SERINC1: variants seen among roughly 807,000 people sequenced by gnomAD.
SERINC1 encodes the protein serine incorporator 1.
Under a neutral mutation model 52.9 loss-of-function variants are expected in SERINC1, and 38 were observed. The observed-to-expected ratio is 0.72, with a 90% CI of 0.55 to 0.94. The LOEUF is 0.94. SERINC1 is among the 40% of genes least tolerant of loss of function. SERINC1 has a pLI of 0.00. For synonymous variants in SERINC1, 198 were observed against 183.1 expected (o/e 1.08, Z -0.66); for missense variants, 471 against 533.9 (o/e 0.88, Z 1.16).
Position 122,453,477 on chromosome 6 carries a change from GGC to G in SERINC1, c.589+291_589+292del, listed in dbSNP as rs762301842. Among the ~76,000 whole-genome samples, 340 of 152,112 alleles carry G rather than the reference GGC, an allele frequency of 2.2e-3. 1 individual carries two copies. Among genetic ancestry groups the G allele is most frequent in the Non-Finnish European group, 4.1e-3 (277 of 67,986 alleles). ...TAACCCATTGTAGGCTAGAAAATTA[GGC>G]TATAAAGTGCACATGCTTTCAGTAA... On this transcript the variant is annotated intron_variant, in intron 5 of 9. Coordinates refer to ENST00000339697, the MANE Select transcript of SERINC1 (RefSeq NM_020755.4).
rs1774885847 is a variant in SERINC1, at chr6:122,450,471, C to T, written c.850+1193G>A. 2.0e-5 allele frequency among the ~76,000 whole-genome samples: 3 copies of T among 152,202 alleles called. No individual in the cohort carries two copies. In the South Asian group the frequency reaches 6.2e-4, roughly 32 times the overall value. On this transcript the variant is annotated intron_variant, in intron 7 of 9. Transcript: ENST00000339697. The stretch of plus-strand genomic sequence containing the variant: ...TACAGGGAGATTAATATTTTCATGT[C>T]TGCTAACACAGTATTTATTCTGCAG...
intron 1 of SERINC1, among the ~76,000 whole-genome samples, chr6:122,460,412 GCA>G (rs1264145401): frequency 1.3e-5 from 2 of 152,162 alleles, no homozygotes; most frequent in Non-Finnish European, 2.9e-5. Flanking sequence ...AATGTTCACT[GCA>G]GGGAGGGTCT....
intron 7 of SERINC1, 28 bp from the exon 8 acceptor site, chr6:122,447,293 T>C: frequency 6.5e-7 from 1 of 1,542,802 alleles, no homozygotes; most frequent in Admixed American, 1.7e-5. Context: ...ATTAAAATGT[T>C]AGAATATATT....
In SERINC1 at chr6:122,451,645, TAATATA is replaced by T. The variant is rs768682183; in HGVS notation, c.850+13_850+18del. On this transcript the variant is annotated intron_variant, in intron 7 of 9. Transcript: ENST00000339697. ...CAACTGCAGAACCTTTAGGAACATGTAATATAAATAAAACACACCTGGTTCATTGGT... is the reference window on the plus strand; with the variant it reads ...CAACTGCAGAACCTTTAGGAACATGTAATAAAACACACCTGGTTCATTGGT... The T allele has an allele frequency of 1.9e-5, 17 of 892,454 alleles. No individual in the cohort carries two copies. Among genetic ancestry groups the T allele is most frequent in the Non-Finnish European group, 2.8e-5 (16 of 576,024 alleles). 55.3% of individuals were successfully genotyped at this position (892,454 alleles called of 1,614,324 possible).
At chr6:122,461,293 A>G (rs978649308) in intron 1 of SERINC1, among the ~76,000 whole-genome samples, 1 of 152,192 alleles carries the variant, frequency 6.6e-6, no homozygotes, top group East Asian at 1.9e-4. Context: ...AAAAATCTTA[A>G]AAGTAGGCAG....
rs1775310079 is a variant in SERINC1 at position 122,471,796 on chromosome 6, C to CT, written c.-60dup. 6.2e-7 allele frequency: 1 copy of CT among 1,612,172 alleles called. No individual in the cohort carries two copies. Among genetic ancestry groups the CT allele is most frequent in the Non-Finnish European group, 8.5e-7 (1 of 1,179,528 alleles). On this transcript the variant is annotated 5_prime_UTR_variant, in exon 1 of 10. Transcript: ENST00000339697. ...AAGATGGAGACAGCTTCTTTCTCGC[C>CT]TTTCCGAGATTATTTACTATCTGCG...
In SERINC1 at chr6:122,444,868, C is replaced by A. The variant is rs1380768462; in HGVS notation, c.*176G>T. The A allele has an allele frequency of 4.9e-6, 3 of 611,258 alleles. No individual in the cohort carries two copies. In the East Asian group the frequency reaches 8.7e-5, roughly 18 times the overall value. The allele number at this position is 611,258 out of a possible 1,614,324, so 37.9% of individuals were successfully genotyped here. A position where few individuals can be genotyped will look rare whatever the true frequency, so the allele number is the denominator to read the frequency against. ...TTCCTCTGCAATTCATTCTACTTCA[C>A]ATATCAATGCACTTGGTAAGAAAAT... On this transcript the variant is annotated 3_prime_UTR_variant, in exon 10 of 10. Coordinates refer to ENST00000339697, the MANE Select transcript of SERINC1 (RefSeq NM_020755.4).
chr6:122,447,367 A>T, intron 7 of SERINC1, 102 bp from the exon 8 acceptor site: 1 of 825,062 alleles, frequency 1.2e-6, no homozygotes, highest in South Asian at 2.1e-5. Flanking sequence ...GCAAATTGAG[A>T]AACAATTGCT....
At chr6:122,451,558 C>A in intron 7 of SERINC1, 106 bp downstream of exon 7, 2 of 411,398 alleles carry the variant, frequency 4.9e-6, no homozygotes, top group Non-Finnish European at 8.9e-6. Flanking sequence ...GTACTTTATT[C>A]CTCTAGAAGC....
chr6:122,462,456 T>C (rs889095373), intron 1 of SERINC1, among the ~76,000 whole-genome samples: 1 of 152,002 alleles, frequency 6.6e-6, no homozygotes, highest in Admixed American at 6.6e-5. Flanking sequence ...CAACTGTCTA[T>C]ATAGAAAATC....
At chr6:122,465,028 G>T (rs540530520) in intron 1 of SERINC1, among the ~76,000 whole-genome samples, 80 of 151,812 alleles carry the variant, frequency 5.3e-4, no homozygotes, top group South Asian at 4.0e-3. Context: ...AAGGTTTGGG[G>T]TTTTTTTTCT....
intron 1 of SERINC1, 81 bp from the exon 2 acceptor site, chr6:122,458,762 A>C (rs1163751503): frequency 3.0e-6 from 3 of 1,002,322 alleles, no homozygotes; most frequent in African/African-American, 1.7e-5. Context: ...GAAAATTGAC[A>C]TTCTATCTGT....
At position 122,446,840 on chromosome 6, in the gene SERINC1, G is replaced by A. The variant is rs777806965; in HGVS notation, c.1160C>T (p.Ser387Phe). The change falls in exon 9 of 10, where the codon TCC (serine) becomes TTC (phenylalanine). Residue 387 changes from serine to phenylalanine, a missense_variant. Coordinates refer to ENST00000339697, the MANE Select transcript of SERINC1 (RefSeq NM_020755.4). ...CAGGAAAAGCATGAAGTGAAAGAAG[G>A]AATAACTGTAAGTGACACCATCCCT... ...NERDGVTYSYSFFHFMLFLAS... is the reference protein window; with the variant it reads ...NERDGVTYSYFFFHFMLFLAS... The A allele has an allele frequency of 6.2e-7, 1 of 1,613,998 alleles. No homozygotes were observed. The highest frequency in any genetic ancestry group is 8.5e-7 in the Non-Finnish European group (1 of 1,179,914).
chr6:122,453,930 A>T (rs1317820672), intron 4 of SERINC1, 23 bp from the exon 5 acceptor site: 1 of 1,559,834 alleles, frequency 6.4e-7, no homozygotes, highest in South Asian at 1.2e-5. Context: ...GAAAGCATAC[A>T]TAAGTGATTG....
At chr6:122,450,736 T>C (rs1451213495) in intron 7 of SERINC1, among the ~76,000 whole-genome samples, 6 of 152,108 alleles carry the variant, frequency 3.9e-5, no homozygotes, top group Non-Finnish European at 8.8e-5. Context: ...CTAACCCTCA[T>C]AGATGACTGA....
chr6:122,464,225 G>C (rs1178930390), intron 1 of SERINC1, among the ~76,000 whole-genome samples: 3 of 152,078 alleles, frequency 2.0e-5, no homozygotes, highest in Non-Finnish European at 4.4e-5. Flanking sequence ...TCATGGAACT[G>C]TATATTACAA....
chr6:122,459,253 T>C (rs1775057290), intron 1 of SERINC1, among the ~76,000 whole-genome samples: 1 of 152,208 alleles, frequency 6.6e-6, no homozygotes, highest in South Asian at 2.1e-4. Context: ...ACTAGCAGTA[T>C]GCCCCCAAGG....
rs1774953427 is a variant in SERINC1 at position 122,453,855 on chromosome 6, T to C, written c.504A>G (p.Leu168=). Residue 168 remains leucine, a synonymous_variant, in exon 5 of 10, where the codon CTA becomes CTG. Transcript: ENST00000339697. The stretch of plus-strand genomic sequence containing the variant: ...AATGTGCAAAATCAATAAGTAAGAC[T>C]AGTTGTATGAGGATGAAACAAAAGG... ...AGAFCFILIQ[L]VLLIDFAHSW... is the part of the protein sequence containing the mutation. The C allele has an allele frequency of 6.2e-7, 1 of 1,608,614 alleles. No individual in the cohort carries two copies. The highest frequency in any genetic ancestry group is 8.5e-7 in the Non-Finnish European group (1 of 1,176,318).
Position 122,458,539 on chromosome 6 carries a change from A to T in SERINC1, c.182T>A (p.Met61Lys). 1.2e-6 allele frequency: 2 copies of T among 1,612,862 alleles called. No individual in the cohort carries two copies. The highest frequency in any genetic ancestry group is 2.2e-5 in the South Asian group (2 of 90,912). Residue 61 changes from methionine to lysine, a missense_variant, in exon 2 of 10, where the codon ATG becomes AAG. Physicochemically the swap from Met to Lys is moderately conservative, Grantham distance 95. Coordinates refer to ENST00000339697, the MANE Select transcript of SERINC1 (RefSeq NM_020755.4). ...ACTAACCTTATTCAGTTGTTCTTCCATTCCTGGTATCAACATTACACAAGC... is the reference window on the plus strand; with the variant it reads ...ACTAACCTTATTCAGTTGTTCTTCCTTTCCTGGTATCAACATTACACAAGC... ...CVACVMLIPG[M>K]EEQLNKIPGF...
Sources: gnomAD v4.1 joint callset for allele counts (sites outside exome capture counted in the v4.1 genomes callset) on GRCh38, gnomAD v4.1.1 for gene constraint, MANE v1.5 for transcripts, NCBI Gene and HGNC (gene_info 2026-07-23, HGNC 2026-07-21) for gene names.